The following PPFIBP2 variants were observed in gnomAD, a reference collection of about 807,000 sequenced individuals.
PPFIBP2 encodes PPFIB scaffold protein 2, also known as liprin-beta-2.
A neutral mutation model predicts 118.3 loss-of-function variants in PPFIBP2; 118 were observed. The ratio of observed to expected loss-of-function variants is 1.00; its 90% CI spans 0.86 to 1.16. The LOEUF (loss-of-function observed/expected upper bound fraction) is 1.16. Among genes scored for constraint, PPFIBP2 ranks in the 50% most tolerant of loss-of-function variants. The pLI, the probability that PPFIBP2 is intolerant of heterozygous loss-of-function variation, is 0.00. For missense variants in PPFIBP2, 1,195 were observed against 1,073.1 expected, an observed-to-expected ratio of 1.11 and a Z score of -1.59; for synonymous variants, 414 against 397.4, an observed-to-expected ratio of 1.04 and a Z score of -0.50.
intron 13 of PPFIBP2, among the ~76,000 whole-genome samples, chr11:7,634,832 G>A (rs1164763396): frequency 6.6e-6 from 1 of 152,180 alleles, no homozygotes; most frequent in African/African-American, 2.4e-5. Flanking sequence ...GCAGGTTTTG[G>A]AAGATGGTGG....
chr11:7,573,092 T>C (rs73411133), intron 3 of PPFIBP2, among the ~76,000 whole-genome samples: 146 of 152,338 alleles, frequency 9.6e-4, no homozygotes, highest in African/African-American at 3.3e-3. Context: ...GAGGAACTTT[T>C]GAAAGCGGTT....
In PPFIBP2 at chr11:7,514,044, A is replaced by C. The variant is rs1339399570; in HGVS notation, c.-114A>C. ...GCCCGTCGCTCGCTTCTGGGCTCTC[A>C]TGTTTGAAGGTGGGAGGGACACGGG... On this transcript the variant is annotated 5_prime_UTR_variant, in exon 1 of 24. The change abolishes an upstream ATG in the 5' untranslated region. Coordinates refer to ENST00000299492, the MANE Select transcript of PPFIBP2 (RefSeq NM_003621.5). 1.3e-5 allele frequency: 2 copies of C among 152,050 alleles called. No individual in the cohort carries two copies. Among genetic ancestry groups the C allele is most frequent in the Admixed American group, 6.5e-5 (1 of 15,278 alleles). 9.4% of individuals were successfully genotyped at this position (152,050 alleles called of 1,614,324 possible).
At chr11:7,584,834 T>G (rs1426578593) in intron 3 of PPFIBP2, among the ~76,000 whole-genome samples, 1 of 152,210 alleles carries the variant, frequency 6.6e-6, no homozygotes, top group African/African-American at 2.4e-5. Context: ...GCTTAAGATA[T>G]AGCCTTAGTA....
Position 7,555,264 on chromosome 11 carries a change from G to A in PPFIBP2, c.64+5725G>A, listed in dbSNP as rs566730764. On this transcript the variant is annotated intron_variant, in intron 2 of 23. Transcript: ENST00000299492. ...AGGTTACTCATGCAGTTATGTACAA[G>A]CAGTACTCACTGAGGAGGAATAGTT... 3.3e-5 allele frequency among the ~76,000 whole-genome samples: 5 copies of A among 152,268 alleles called. No individual in the cohort carries two copies. The East Asian group carries it at 9.7e-4, about 29-fold the overall frequency.
At chr11:7,628,474 G>A (rs1850317063) in intron 9 of PPFIBP2, 128 bp downstream of exon 9, 1 of 877,942 alleles carries the variant, frequency 1.1e-6, no homozygotes, top group South Asian at 1.9e-5. Context: ...GATATGTCAG[G>A]AGAATGACTT....
chr11:7,665,407 C>G, the PPFIBP2 span: 3 of 1,603,210 alleles, frequency 1.9e-6, no homozygotes, highest in African/African-American at 2.7e-5. Context: ...GGGTATAACC[C>G]AGCTTCTCCA....
intron 3 of PPFIBP2, chr11:7,577,361 G>A: frequency 8.9e-6 from 3 of 338,560 alleles, no homozygotes; most frequent in South Asian, 6.7e-5. Flanking sequence ...GTTTGTTGGG[G>A]TGGTCGGGGA....
At chr11:7,617,214 C>T (rs1214732871) in intron 6 of PPFIBP2, 12 of 985,328 alleles carry the variant, frequency 1.2e-5, no homozygotes, top group Non-Finnish European at 1.4e-5. Flanking sequence ...TAGGGACCAC[C>T]CTGAGGAGGT....
chr11:7,536,295 C>T (rs114954601), intron 1 of PPFIBP2, among the ~76,000 whole-genome samples: 1 of 152,046 alleles, frequency 6.6e-6, no homozygotes, highest in African/African-American at 2.4e-5. Flanking sequence ...CGGGTGCACA[C>T]GGATGAGTGA....
chr11:7,651,906 C>G, intron 23 of PPFIBP2, 62 bp downstream of exon 23: 1 of 1,458,300 alleles, frequency 6.9e-7, no homozygotes, highest in Non-Finnish European at 9.3e-7. Context: ...CGCAGCACAG[C>G]ACCTGGCGCG....
chr11:7,580,996 T>C (rs993379647), intron 3 of PPFIBP2, among the ~76,000 whole-genome samples: 1 of 152,280 alleles, frequency 6.6e-6, no homozygotes, highest in East Asian at 1.9e-4. Flanking sequence ...AAACCAAGCA[T>C]ATTGAAGACC....
chr11:7,543,576 C>T (rs2134463528), intron 1 of PPFIBP2, among the ~76,000 whole-genome samples: 1 of 152,314 alleles, frequency 6.6e-6, no homozygotes, highest in East Asian at 1.9e-4. Context: ...CAGATCTGTT[C>T]CTAGTTCATT....
At chr11:7,617,917 C>CA (rs1554974839) in intron 6 of PPFIBP2, among the ~76,000 whole-genome samples, 3 of 151,810 alleles carry the variant, frequency 2.0e-5, no homozygotes, top group Admixed American at 6.6e-5. Context: ...GCTCTCCACA[C>CA]GGGGGTAACC....
chr11:7,556,181 T>C (rs552090949), intron 2 of PPFIBP2, among the ~76,000 whole-genome samples: 16 of 152,272 alleles, frequency 1.1e-4, no homozygotes, highest in Middle Eastern at 3.4e-3. Context: ...GACGGCCAGG[T>C]GCAGTGGCTA....
intron 2 of PPFIBP2, among the ~76,000 whole-genome samples, chr11:7,563,099 A>G (rs1219004066): frequency 2.0e-5 from 3 of 151,722 alleles, no homozygotes; most frequent in Admixed American, 6.6e-5. Flanking sequence ...AGAGGGTCAC[A>G]GAGAAAGGAA....
In PPFIBP2 at chr11:7,649,567, ACAT is replaced by A. The variant is rs1414135708; in HGVS notation, c.2039_2041del (p.His680del). The A allele has an allele frequency of 1.2e-6, 2 of 1,614,082 alleles. No homozygotes were observed. Among genetic ancestry groups the A allele is most frequent in the Admixed American group, 3.3e-5 (2 of 60,002 alleles). On this transcript the variant is annotated inframe_deletion, in exon 21 of 24. Transcript: ENST00000299492. ...TCTTCTTAAAAGTCACCAGCCAACT[ACAT>A]CATCTCAGCATCAAATGTGCCATTC...
chr11:7,523,007 G>A (rs1034572782), intron 1 of PPFIBP2, among the ~76,000 whole-genome samples: 9 of 152,252 alleles, frequency 5.9e-5, no homozygotes, highest in Admixed American at 4.6e-4. Context: ...GAGTGGGGAT[G>A]GGGGTACAGG....
At chr11:7,577,332 T>TGTGTGTGTGTGCGTGTGTGTGTGTGC (rs71059111) in intron 3 of PPFIBP2, 1 of 240,132 alleles carries the variant, frequency 4.2e-6, no homozygotes, top group African/African-American at 2.6e-5. Context: ...TGTGTGTGTG[T>TGTGTGTGTGTGCGTGTGTGTGTGTGC]GTGTGTGTGT....
At chr11:7,578,949 G>T (rs1434608729) in intron 3 of PPFIBP2, among the ~76,000 whole-genome samples, 2 of 152,102 alleles carry the variant, frequency 1.3e-5, no homozygotes, top group Non-Finnish European at 2.9e-5. Context: ...CAGAGGCTGG[G>T]ATCACGCAGG....
Sources: gnomAD v4.1 joint callset for allele counts (sites outside exome capture counted in the v4.1 genomes callset) on GRCh38, gnomAD v4.1.1 for gene constraint, MANE v1.5 for transcripts, NCBI Gene and HGNC (gene_info 2026-07-23, HGNC 2026-07-21) for gene names.